PLD4: variants seen among roughly 807,000 people sequenced by gnomAD.
PLD4 encodes the protein 5'-3' exonuclease PLD4.
Under a neutral mutation model 52.3 loss-of-function variants are expected in PLD4, and 54 were observed. That is an observed-to-expected ratio of 1.03 (90% CI 0.83 to 1.30). The LOEUF (loss-of-function observed/expected upper bound fraction) is 1.30, where lower values mean the gene tolerates loss of function less well. PLD4 is among the 50% of genes most tolerant of loss of function. PLD4 has a pLI of 0.00. For synonymous variants in PLD4, 264 were observed against 286.5 expected (o/e 0.92, Z 0.79); for missense variants, 731 against 671.1 (o/e 1.09, Z -0.99).
chr14:104,929,226 T>G, intron 4 of PLD4, 81 bp from the exon 5 acceptor site: 1 of 1,542,144 alleles, frequency 6.5e-7, no homozygotes, highest in Admixed American at 2.0e-5. Flanking sequence ...GTGGGCCTCC[T>G]GAGGAGGACA....
At position 104,933,158 on chromosome 14, in the gene PLD4, C is replaced by T. The variant is rs1188222158; in HGVS notation, c.*194C>T. The T allele has an allele frequency of 8.2e-6, 5 of 613,222 alleles. No individual in the cohort carries two copies. The highest frequency in any genetic ancestry group is 4.6e-5 in the South Asian group (2 of 43,196). The allele number at this position is 613,222 out of a possible 1,614,324, so 38.0% of individuals were successfully genotyped here. A position where few individuals can be genotyped will look rare whatever the true frequency, so the allele number is the denominator to read the frequency against. ...GAGTCCAGCCCCCCCTGAGCCCCAC[C>T]TCCTCCAGGGAGCCCTCCAGGAAGC... On this transcript the variant is annotated 3_prime_UTR_variant, in exon 11 of 11. Coordinates refer to ENST00000392593, the MANE Select transcript of PLD4 (RefSeq NM_138790.5).
In PLD4 at chr14:104,932,360, G is replaced by A; in HGVS notation, c.1321+5G>A. ...CGGAGAAGGCAGCCTACATAGGTGA[G>A]CGCGATCAGATCACGGCGGGCGGGC... On this transcript the variant is annotated splice_donor_5th_base_variant and intron_variant, in intron 10 of 10. Coordinates refer to ENST00000392593, the MANE Select transcript of PLD4 (RefSeq NM_138790.5). This position sits in a 1 kb window ranked among gnomAD's most constrained non-coding sequence, Gnocchi z 6.5. The A allele has an allele frequency of 6.2e-7, 1 of 1,612,348 alleles. No homozygotes were observed. The highest frequency in any genetic ancestry group is 8.5e-7 in the Non-Finnish European group (1 of 1,179,638).
In PLD4 at chr14:104,927,749, G is replaced by A. The variant is rs34055454; in HGVS notation, c.167G>A (p.Arg56His). 1.5e-3 allele frequency: 2,360 copies of A among 1,598,524 alleles called. 25 individuals are homozygous for A. The African/African-American group carries it at 0.025, about 17-fold the overall frequency. ...ALICLLWQVP[R>H]PPTWGQVQPK... ...ATCTGCCTCCTGTGGCAAGTGCCCC[G>A]TCCTCCCACCTGGGGCCAGGTGCAG... is the stretch of plus-strand genomic sequence containing the variant. Residue 56 changes from arginine to histidine, a missense_variant, in exon 3 of 11, where the codon CGT becomes CAT. Arg to His is a conservative substitution (Grantham distance 29). Transcript: ENST00000392593.
At position 104,932,016 on chromosome 14, in the gene PLD4, TG is replaced by T; in HGVS notation, c.1065del (p.Trp355CysfsTer54). On this transcript the variant is annotated frameshift_variant, in exon 9 of 11. Transcript: ENST00000392593. LOFTEE classifies it high-confidence loss of function. This position sits in a 1 kb window ranked among gnomAD's most constrained non-coding sequence, Gnocchi z 6.5. ...CCCGTCCCTCCCCACCCCAAGGTACTGGCCGGTGCTGGACAACGCGCTGCGG... is the reference window on the plus strand; with the variant it reads ...CCCGTCCCTCCCCACCCCAAGGTACTGCCGGTGCTGGACAACGCGCTGCGG... ...TTRFSHPPRY[W>X]PVLDNALRAA... The T allele has an allele frequency of 6.3e-7, 1 of 1,592,278 alleles. No homozygotes were observed. Among genetic ancestry groups the T allele is most frequent in the Non-Finnish European group, 8.5e-7 (1 of 1,171,998 alleles).
rs746355402 is a variant in PLD4 at position 104,931,826 on chromosome 14, G to C, written c.997G>C (p.Glu333Gln). ...GCTGGCGGTGATGGGGAGCGCCCAGGAGTTCATCTATGCCTCCGTGATGGA... is the reference window on the plus strand; with the variant it reads ...GCTGGCGGTGATGGGGAGCGCCCAGCAGTTCATCTATGCCTCCGTGATGGA... ...ALLAVMGSAQ[E>Q]FIYASVMEYF... The change falls in exon 8 of 11, where the codon GAG (glutamate) becomes CAG (glutamine). Residue 333 changes from glutamate to glutamine, a missense_variant. Glu to Gln is a conservative substitution (Grantham distance 29). Coordinates refer to ENST00000392593, the MANE Select transcript of PLD4 (RefSeq NM_138790.5). The C allele has an allele frequency of 3.8e-6, 6 of 1,574,542 alleles. No individual in the cohort carries two copies. In the African/African-American group the frequency reaches 8.1e-5, roughly 21 times the overall value.
Position 104,930,832 on chromosome 14 carries a change from C to T in PLD4, c.808C>T (p.Pro270Ser). 2.5e-6 allele frequency: 4 copies of T among 1,613,522 alleles called. No homozygotes were observed. The South Asian group carries it at 3.3e-5, about 13-fold the overall frequency. Residue 270 changes from proline (P) to serine (S), a missense_variant, in exon 7 of 11, where the codon CCC (proline) becomes TCC (serine). Pro to Ser is a moderately conservative substitution (Grantham distance 74). Transcript: ENST00000392593. Reference protein sequence around the residue: ...TFQTYWVLGVPKAVLPKTWPQ... With the variant: ...TFQTYWVLGVSKAVLPKTWPQ... ...CCAGACCTACTGGGTACTGGGGGTG[C>T]CCAAGGCTGTCCTCCCCAAAACCTG...
In PLD4 at chr14:104,931,826, G is replaced by T; in HGVS notation, c.997G>T (p.Glu333Ter). 1 of 1,574,660 alleles carries T rather than the reference G, an allele frequency of 6.4e-7. No individual in the cohort carries two copies. The change falls in exon 8 of 11, where the codon GAG becomes TAG. Residue 333 changes from glutamate to a stop codon, truncating the protein, a stop_gained. Transcript: ENST00000392593. LOFTEE classifies it high-confidence loss of function. ...ALLAVMGSAQ[E>*]FIYASVMEYF... ...GCTGGCGGTGATGGGGAGCGCCCAG[G>T]AGTTCATCTATGCCTCCGTGATGGA...
At position 104,932,132 on chromosome 14, in the gene PLD4, C is replaced by G; in HGVS notation, c.1179C>G (p.Ser393=). Residue 393 remains serine, a synonymous_variant, in exon 9 of 11, where the codon TCC becomes TCG. Transcript: ENST00000392593. The surrounding 1 kb of genome is among the most constrained non-coding windows in gnomAD (Gnocchi z 6.5). The stretch of plus-strand genomic sequence containing the variant: ...CCACCATGTTCCCCTACCTGCGGTC[C>G]CTGCAGGCGCTCAGCAACCCCGCGG... The part of the protein sequence containing the change: ...TDPTMFPYLR[S]LQALSNPAAN... 6.2e-7 allele frequency: 1 copy of G among 1,611,348 alleles called. No individual in the cohort carries two copies. Among genetic ancestry groups the G allele is most frequent in the Non-Finnish European group, 8.5e-7 (1 of 1,179,252 alleles).
In PLD4 at chr14:104,932,382, G is replaced by A. The variant is rs770867898; in HGVS notation, c.1321+27G>A. 4.3e-5 allele frequency: 69 copies of A among 1,608,930 alleles called. No individual in the cohort carries two copies. The highest frequency in any genetic ancestry group is 5.4e-5 in the Non-Finnish European group (63 of 1,177,142). On this transcript the variant is annotated intron_variant, in intron 10 of 10. Transcript: ENST00000392593. The surrounding 1 kb of genome is among the most constrained non-coding windows in gnomAD (Gnocchi z 6.5). The stretch of plus-strand genomic sequence containing the variant: ...TGAGCGCGATCAGATCACGGCGGGC[G>A]GGCCCCAGGGTGGCCAGGCACGGGC...
chr14:104,934,448 G>C (rs1480735453), downstream of PLD4: 2 of 152,092 alleles, frequency 1.3e-5, no homozygotes, highest in Non-Finnish European at 2.9e-5. Context: ...TGAATGCTGG[G>C]TCAGAAGGAT....
chr14:104,929,226 TGAG>T (rs756139687), intron 4 of PLD4, 78 bp from the exon 5 acceptor site: 30 of 1,542,026 alleles, frequency 1.9e-5, no homozygotes, highest in Admixed American at 5.9e-5. Flanking sequence ...GTGGGCCTCC[TGAG>T]GAGGACATGG....
intron 6 of PLD4, 122 bp downstream of exon 6, chr14:104,930,227 A>G (rs1238044530): frequency 1.5e-6 from 2 of 1,333,152 alleles, no homozygotes; most frequent in Non-Finnish European, 2.0e-6. Context: ...TTTACAATTC[A>G]CTATGGTAGA....
downstream of PLD4, chr14:104,936,376 A>G (rs1174912119): frequency 6.6e-6 from 1 of 152,242 alleles, no homozygotes; most frequent in Non-Finnish European, 1.5e-5. Context: ...TCCCCTGCTC[A>G]TGAGCCCCCA....
intron 6 of PLD4, 77 bp from the exon 7 acceptor site, chr14:104,930,665 C>T: frequency 6.6e-7 from 1 of 1,510,550 alleles, no homozygotes; most frequent in Non-Finnish European, 9.2e-7. Flanking sequence ...GCCCCAACAT[C>T]CCTGGCCTGG....
intron 3 of PLD4, 65 bp downstream of exon 3, chr14:104,927,931 C>T (rs938983171): frequency 6.9e-7 from 1 of 1,442,366 alleles, no homozygotes; most frequent in Non-Finnish European, 9.2e-7. Flanking sequence ...TGTGTTTCTG[C>T]CCTTGGATCT....
At chr14:104,931,000 A>T in intron 7 of PLD4, 58 bp downstream of exon 7, 1 of 1,573,868 alleles carries the variant, frequency 6.4e-7, no homozygotes, top group Non-Finnish European at 8.7e-7. Flanking sequence ...GGCTGGCCAG[A>T]CCCACAGGGA....
rs1404516595 is a variant in PLD4, at chr14:104,927,132, C to G, written c.1-9C>G. 27 of 1,547,992 alleles carry G rather than the reference C, an allele frequency of 1.7e-5. No homozygotes were observed. Among genetic ancestry groups the G allele is most frequent in the Non-Finnish European group, 2.4e-5 (27 of 1,145,772 alleles). On this transcript the variant is annotated splice_polypyrimidine_tract_variant and intron_variant, in intron 1 of 10. Coordinates refer to ENST00000392593, the MANE Select transcript of PLD4 (RefSeq NM_138790.5). ...GGAGCTGCTGGTGATGCCAGGCTGC[C>G]CTGTGCAGATGCTGAAGCCTCTTTG...
In PLD4 at chr14:104,932,500, C is replaced by A. The variant is rs1328359847; in HGVS notation, c.1321+145C>A. 6.2e-6 allele frequency: 6 copies of A among 965,934 alleles called. No individual in the cohort carries two copies. Among genetic ancestry groups the A allele is most frequent in the Non-Finnish European group, 9.1e-6 (6 of 656,350 alleles). 59.8% of individuals were successfully genotyped at this position (965,934 alleles called of 1,614,324 possible). A position where few individuals can be genotyped will look rare whatever the true frequency, so the allele number is the denominator to read the frequency against. Reference sequence around the variant, plus strand: ...CGGGGTCTCCATGGAGTTCCGGGGACCAGGCCACCCGCCTGTCACCTGGCC... The same window carrying A: ...CGGGGTCTCCATGGAGTTCCGGGGAACAGGCCACCCGCCTGTCACCTGGCC... On this transcript the variant is annotated intron_variant, in intron 10 of 10. Transcript: ENST00000392593. This position sits in a 1 kb window ranked among gnomAD's most constrained non-coding sequence, Gnocchi z 6.5.
chr14:104,928,604 C>A, intron 3 of PLD4, 145 bp from the exon 4 acceptor site: 1 of 792,258 alleles, frequency 1.3e-6, no homozygotes, highest in Non-Finnish European at 2.0e-6. Context: ...ACCTTAAACC[C>A]TTACCCTGCA....
Sources: gnomAD v4.1 joint callset for allele counts on GRCh38, gnomAD v4.1.1 for gene constraint, Gnocchi (gnomAD v3.1) non-coding constraint, MANE v1.5 for transcripts, NCBI Gene and HGNC (gene_info 2026-07-23, HGNC 2026-07-21) for gene names.